The following SPOPL variants were observed in gnomAD, a reference collection of about 807,000 sequenced individuals.
SPOPL encodes speckle type BTB/POZ protein like, also known as speckle-type POZ protein-like.
In SPOPL, 23 loss-of-function variants were observed where a neutral mutation model predicts 53.8. That is an observed-to-expected ratio of 0.43 (90% CI 0.31 to 0.61). SPOPL has a LOEUF of 0.61. SPOPL is among the 20% of genes least tolerant of loss of function. The pLI, the probability that SPOPL is intolerant of heterozygous loss-of-function variation, is 0.12. For synonymous variants in SPOPL, 164 were observed against 149.7 expected (o/e 1.10, Z -0.70); for missense variants, 442 against 466.9 (o/e 0.95, Z 0.49).
At chr2:138,529,633 T>A (rs901833028) in intron 1 of SPOPL, among the ~76,000 whole-genome samples, 3 of 152,184 alleles carry the variant, frequency 2.0e-5, no homozygotes, top group African/African-American at 7.2e-5. Flanking sequence ...TGCTATATTT[T>A]AGGTTTATGT....
chr2:138,503,354 CTAG>C (rs908616387), intron 1 of SPOPL, among the ~76,000 whole-genome samples: 1 of 152,130 alleles, frequency 6.6e-6, no homozygotes, highest in Non-Finnish European at 1.5e-5. Flanking sequence ...CAGGATGGTG[CTAG>C]TAATTGCACA....
At chr2:138,568,842 AT>A (rs1685719940) in intron 10 of SPOPL, 93 bp from the exon 11 acceptor site, 1 of 1,316,416 alleles carries the variant, frequency 7.6e-7, no homozygotes, top group Non-Finnish European at 1.1e-6. Context: ...GTGTTCAAAT[AT>A]TTTGAAATTT....
At chr2:138,544,173 G>A (rs1158731377) in intron 1 of SPOPL, among the ~76,000 whole-genome samples, 2 of 152,142 alleles carry the variant, frequency 1.3e-5, no homozygotes, top group African/African-American at 2.4e-5. Context: ...TAGGCTACTC[G>A]GGGGTCAGGG....
At chr2:138,504,306 A>G (rs1464710094) in intron 1 of SPOPL, among the ~76,000 whole-genome samples, 1 of 152,136 alleles carries the variant, frequency 6.6e-6, no homozygotes, top group East Asian at 1.9e-4. Context: ...TTTCTCCTGT[A>G]TATCCAGGTT....
intron 1 of SPOPL, among the ~76,000 whole-genome samples, chr2:138,502,889 A>C (rs1241688132): frequency 6.6e-6 from 1 of 152,178 alleles, no homozygotes; most frequent in African/African-American, 2.4e-5. Flanking sequence ...CAGTAGAAAT[A>C]AGATTCACCA....
rs778183960 is a variant in SPOPL, at chr2:138,550,593, CAAAAT to C, written c.190_194del (p.Lys64GlufsTer13). ...CAACATTTTCATCTGGCCCAAGTGA[CAAAAT>C]GAAATGGTAAGATTTTTGTTTGCTT... On this transcript the variant is annotated frameshift_variant, in exon 3 of 11. Transcript: ENST00000280098. LOFTEE classifies it high-confidence loss of function. The C allele has an allele frequency of 4.4e-6, 7 of 1,597,652 alleles. No homozygotes were observed. Among genetic ancestry groups the C allele is most frequent in the African/African-American group, 2.7e-5 (2 of 74,048 alleles).
At chr2:138,550,429 C>T in intron 2 of SPOPL, 54 bp from the exon 3 acceptor site, 1 of 1,593,318 alleles carries the variant, frequency 6.3e-7, no homozygotes, top group Non-Finnish European at 8.6e-7. Flanking sequence ...GAACATGTAA[C>T]AAGTTAAAAG....
At chr2:138,502,566 G>C (rs954499970) in intron 1 of SPOPL, among the ~76,000 whole-genome samples, 1 of 152,112 alleles carries the variant, frequency 6.6e-6, no homozygotes, top group African/African-American at 2.4e-5. Flanking sequence ...CCCAAATACA[G>C]ACACTTGAAA....
At chr2:138,557,370 C>T (rs1241179196) in intron 5 of SPOPL, among the ~76,000 whole-genome samples, 4 of 152,124 alleles carry the variant, frequency 2.6e-5, no homozygotes, top group Admixed American at 2.6e-4. Context: ...ATAAAAATAT[C>T]CTCAGAAAAA....
chr2:138,556,367 C>T (rs923878280), intron 5 of SPOPL, among the ~76,000 whole-genome samples: 4 of 152,082 alleles, frequency 2.6e-5, no homozygotes, highest in African/African-American at 9.7e-5. Context: ...ATTTAAGAGA[C>T]AGTGAGTAGA....
chr2:138,564,670 G>T, intron 8 of SPOPL, 38 bp from the exon 9 acceptor site: 1 of 1,609,932 alleles, frequency 6.2e-7, no homozygotes, highest in Non-Finnish European at 8.5e-7. Flanking sequence ...AACTTAGTTG[G>T]AGTAAATGTT....
chr2:138,538,252 A>T (rs991911205), intron 1 of SPOPL, among the ~76,000 whole-genome samples: 2 of 152,098 alleles, frequency 1.3e-5, no homozygotes, highest in African/African-American at 4.8e-5. Context: ...CAAGTCTTCT[A>T]TCTCTTTATT....
At chr2:138,545,499 T>TCTCAG (rs2104887063) in intron 1 of SPOPL, among the ~76,000 whole-genome samples, 1 of 152,090 alleles carries the variant, frequency 6.6e-6, no homozygotes, top group Admixed American at 6.5e-5. Context: ...AGTGGCGTGA[T>TCTCAG]CTCAGCTCAC....
At chr2:138,533,658 C>T (rs1684862684) in intron 1 of SPOPL, among the ~76,000 whole-genome samples, 1 of 152,026 alleles carries the variant, frequency 6.6e-6, no homozygotes, top group African/African-American at 2.4e-5. Flanking sequence ...CTGGTACAGT[C>T]TTAGCAAAAC....
intron 10 of SPOPL, among the ~76,000 whole-genome samples, chr2:138,565,381 T>C (rs934222049): frequency 1.3e-5 from 2 of 152,220 alleles, no homozygotes; most frequent in Admixed American, 1.3e-4. Context: ...GAAGGCTGAC[T>C]CACTGCTTCT....
At chr2:138,555,078 A>G (rs550435318) in intron 5 of SPOPL, among the ~76,000 whole-genome samples, 1 of 152,006 alleles carries the variant, frequency 6.6e-6, no homozygotes, top group South Asian at 2.1e-4. Context: ...TCACATGGTG[A>G]GAAAGAGACA....
At chr2:138,540,176 G>C (rs187904797) in intron 1 of SPOPL, among the ~76,000 whole-genome samples, 2 of 152,216 alleles carry the variant, frequency 1.3e-5, no homozygotes, top group Non-Finnish European at 2.9e-5. Context: ...AAGTCAGGTA[G>C]AGTGATGCCT....
At chr2:138,568,881 A>G (rs903675651) in intron 10 of SPOPL, 55 bp from the exon 11 acceptor site, 19 of 1,584,802 alleles carry the variant, frequency 1.2e-5, no homozygotes, top group African/African-American at 6.7e-5. Context: ...TAACAGTGCA[A>G]TAGTGCATTT....
intron 5 of SPOPL, chr2:138,554,424 C>G: frequency 8.2e-7 from 1 of 1,214,534 alleles, no homozygotes; most frequent in Middle Eastern, 3.2e-4. Flanking sequence ...CTCACGGATG[C>G]CCTTCCTTCT....
Sources: gnomAD v4.1 joint callset for allele counts (sites outside exome capture counted in the v4.1 genomes callset) on GRCh38, gnomAD v4.1.1 for gene constraint, MANE v1.5 for transcripts, NCBI Gene and HGNC (gene_info 2026-07-23, HGNC 2026-07-21) for gene names.